The following LRRTM4 variants were observed in gnomAD, a reference collection of about 807,000 sequenced individuals.
The protein encoded by LRRTM4 is leucine rich repeat transmembrane neuronal 4.
A neutral mutation model predicts 47.6 loss-of-function variants in LRRTM4; 25 were observed. That is an observed-to-expected ratio of 0.53 (90% CI 0.38 to 0.73). The LOEUF is 0.73. Among genes scored for constraint, LRRTM4 ranks in the 30% least tolerant of loss-of-function variants. The pLI is 0.00. For missense variants in LRRTM4, 638 were observed against 713.4 expected (o/e 0.89, Z 1.20); for synonymous variants, 311 against 269.5 (o/e 1.15, Z -1.51).
intron 3 of LRRTM4, among the ~76,000 whole-genome samples, chr2:76,898,587 A>C: frequency 6.7e-6 from 1 of 150,348 alleles, no homozygotes; most frequent in African/African-American, 2.4e-5. Flanking sequence ...GAGTTAGTAC[A>C]GTAATGGGTG....
At chr2:76,871,766 A>T (rs1672630869) in intron 3 of LRRTM4, among the ~76,000 whole-genome samples, 1 of 152,122 alleles carries the variant, frequency 6.6e-6, no homozygotes, top group Non-Finnish European at 1.5e-5. Flanking sequence ...TTTCTGATAG[A>T]CTATCTCCTT....
intron 3 of LRRTM4, among the ~76,000 whole-genome samples, chr2:77,454,053 G>T (rs922621033): frequency 4.6e-5 from 7 of 151,940 alleles, no homozygotes; most frequent in Non-Finnish European, 7.4e-5. Flanking sequence ...CTCTCATAAC[G>T]CCAGACACTT....
At chr2:76,780,454 T>G (rs1020790824) in intron 3 of LRRTM4, among the ~76,000 whole-genome samples, 4 of 152,186 alleles carry the variant, frequency 2.6e-5, no homozygotes, top group African/African-American at 9.6e-5. Flanking sequence ...GAGGCTTTGC[T>G]CATTTCTTTT....
intron 3 of LRRTM4, among the ~76,000 whole-genome samples, chr2:77,017,170 C>A (rs10166609): frequency 0.048 from 7,291 of 152,156 alleles, 587 homozygotes; most frequent in African/African-American, 0.17. Flanking sequence ...GAGGACATCA[C>A]GGCCACAGAG....
intron 3 of LRRTM4, among the ~76,000 whole-genome samples, chr2:77,017,016 A>T (rs1239777559): frequency 1.3e-5 from 2 of 152,016 alleles, no homozygotes; most frequent in East Asian, 1.9e-4. Flanking sequence ...TTTCAATTAT[A>T]CTCAGCTAAA....
chr2:76,838,626 A>G (rs58828694), intron 3 of LRRTM4, among the ~76,000 whole-genome samples: 14,974 of 152,024 alleles, frequency 0.098, 1,254 homozygotes, highest in African/African-American at 0.22. Flanking sequence ...TGAAGTTGCT[A>G]TTAACACTTA....
chr2:77,315,435 G>T (rs973439277), intron 3 of LRRTM4, among the ~76,000 whole-genome samples: 4 of 151,938 alleles, frequency 2.6e-5, no homozygotes, highest in Admixed American at 1.3e-4. Context: ...GTCACTGAAG[G>T]TTTTATCATT....
chr2:77,387,088 T>C (rs966687054), intron 3 of LRRTM4, among the ~76,000 whole-genome samples: 1 of 152,128 alleles, frequency 6.6e-6, no homozygotes, highest in Admixed American at 6.6e-5. Context: ...TTGCATGAAG[T>C]GTACTTTCCC....
At chr2:77,075,964 G>C (rs1024738789) in intron 3 of LRRTM4, among the ~76,000 whole-genome samples, 1 of 146,404 alleles carries the variant, frequency 6.8e-6, no homozygotes, top group Non-Finnish European at 1.5e-5. Context: ...AATTAAGCTG[G>C]TTTCTGATAA....
At chr2:77,211,844 T>A (rs1248665051) in intron 3 of LRRTM4, among the ~76,000 whole-genome samples, 1 of 152,086 alleles carries the variant, frequency 6.6e-6, no homozygotes, top group East Asian at 1.9e-4. Flanking sequence ...TAAAATTTAA[T>A]TATTACATTA....
intron 3 of LRRTM4, among the ~76,000 whole-genome samples, chr2:77,300,130 A>C (rs908587471): frequency 3.3e-5 from 5 of 152,132 alleles, no homozygotes; most frequent in Non-Finnish European, 5.9e-5. Flanking sequence ...AATTACAGGC[A>C]AGAGCCACTG....
At chr2:77,010,014 A>C (rs750179785) in intron 3 of LRRTM4, among the ~76,000 whole-genome samples, 3 of 151,892 alleles carry the variant, frequency 2.0e-5, no homozygotes, top group Non-Finnish European at 4.4e-5. Context: ...TTTTAAATTC[A>C]TAAGAAATAA....
intron 3 of LRRTM4, among the ~76,000 whole-genome samples, chr2:77,430,945 T>C (rs1340350611): frequency 6.7e-6 from 1 of 148,468 alleles, no homozygotes; most frequent in Non-Finnish European, 1.5e-5. Flanking sequence ...ATTTGCTCTG[T>C]TTTCTGGATC....
chr2:77,506,558 T>C (rs1337982191), intron 3 of LRRTM4, among the ~76,000 whole-genome samples: 2 of 151,786 alleles, frequency 1.3e-5, no homozygotes, highest in Non-Finnish European at 3.0e-5. Flanking sequence ...ACCTGTCAAA[T>C]TGCTAAAAAA....
chr2:76,816,246 C>A (rs1670892498), intron 3 of LRRTM4, among the ~76,000 whole-genome samples: 1 of 152,066 alleles, frequency 6.6e-6, no homozygotes, highest in South Asian at 2.1e-4. Flanking sequence ...CATTAGAAGA[C>A]CCTGTCTCAC....
At chr2:77,438,353 T>C (rs1435835922) in intron 3 of LRRTM4, among the ~76,000 whole-genome samples, 2 of 151,514 alleles carry the variant, frequency 1.3e-5, no homozygotes, top group African/African-American at 4.9e-5. Flanking sequence ...CTCAAATAGG[T>C]TGGAATCTAA....
In LRRTM4 at chr2:77,088,208, C is replaced by G. The variant is rs564838875; in HGVS notation, c.1552-339292G>C. ...CCTACGTGGTTAACCCCATATACTT[C>G]CAGGTGGCACATAAATGGGTATCAC... On this transcript the variant is annotated intron_variant, in intron 3 of 3. Coordinates refer to ENST00000409884, the MANE Select transcript of LRRTM4 (RefSeq NM_001134745.3). 7.9e-5 allele frequency among the ~76,000 whole-genome samples: 12 copies of G among 152,292 alleles called. No individual in the cohort carries two copies. In the East Asian group the frequency reaches 2.3e-3, roughly 29 times the overall value.
intron 3 of LRRTM4, among the ~76,000 whole-genome samples, chr2:76,878,557 A>G (rs1402494719): frequency 6.6e-6 from 1 of 151,948 alleles, no homozygotes; most frequent in Non-Finnish European, 1.5e-5. Context: ...TCCAGTGAAG[A>G]CACGAATTAT....
intron 3 of LRRTM4, among the ~76,000 whole-genome samples, chr2:77,068,718 G>C (rs1264584020): frequency 6.6e-6 from 1 of 152,178 alleles, no homozygotes; most frequent in Non-Finnish European, 1.5e-5. Flanking sequence ...TCAGTTGATT[G>C]ACATTTGAGG....
Sources: gnomAD v4.1 joint callset for allele counts (sites outside exome capture counted in the v4.1 genomes callset) on GRCh38, gnomAD v4.1.1 for gene constraint, MANE v1.5 for transcripts, NCBI Gene and HGNC (gene_info 2026-07-23, HGNC 2026-07-21) for gene names.